ATP8A2: variants seen among roughly 807,000 people sequenced by gnomAD.
ATP8A2 encodes the protein phospholipid-transporting ATPase IB.
In ATP8A2, 100 loss-of-function variants were observed where a neutral mutation model predicts 165.6. The observed-to-expected ratio is 0.60, with a 90% confidence interval of 0.51 to 0.71. The LOEUF (loss-of-function observed/expected upper bound fraction) is 0.71. ATP8A2 is among the 30% of genes least tolerant of loss of function. The pLI is 0.00. For synonymous variants in ATP8A2, 543 were observed against 548.8 expected (o/e 0.99, Z 0.15); for missense variants, 1,227 against 1,479.5 (o/e 0.83, Z 2.80).
At chr13:25,935,171 A>G (rs1258164148) in intron 33 of ATP8A2, among the ~76,000 whole-genome samples, 1 of 152,212 alleles carries the variant, frequency 6.6e-6, no homozygotes, top group South Asian at 2.1e-4. Context: ...AACTCACCCT[A>G]TTAAATTATG....
intron 25 of ATP8A2, among the ~76,000 whole-genome samples, chr13:25,706,223 C>A (rs971349308): frequency 5.9e-5 from 9 of 152,126 alleles, no homozygotes; most frequent in African/African-American, 2.2e-4. Context: ...GAAAGGGGAG[C>A]AGTTTAGAGG....
chr13:25,689,342 T>C (rs1374117670), intron 24 of ATP8A2, among the ~76,000 whole-genome samples: 1 of 152,248 alleles, frequency 6.6e-6, no homozygotes, highest in Non-Finnish European at 1.5e-5. Flanking sequence ...AATAAAGATC[T>C]TAATGAGATT....
chr13:25,969,138 G>C lies in ATP8A2; in HGVS notation c.3377+459G>C, dbSNP rs908902046. Among the ~76,000 whole-genome samples the C allele has an allele frequency of 4.7e-4, 71 of 152,130 alleles. 1 individual carries two copies. Among genetic ancestry groups the C allele is most frequent in the African/African-American group, 1.6e-3 (68 of 41,428 alleles). ...CATTCCACTTCAGCATATCTAAATG[G>C]GGGAGTAGTTTTTAATGCTAACATT... On this transcript the variant is annotated intron_variant, in intron 35 of 36. Coordinates refer to ENST00000381655, the MANE Select transcript of ATP8A2 (RefSeq NM_016529.6).
intron 27 of ATP8A2, among the ~76,000 whole-genome samples, chr13:25,794,155 G>A (rs1278202433): frequency 6.6e-6 from 1 of 152,228 alleles, no homozygotes; most frequent in Non-Finnish European, 1.5e-5. Flanking sequence ...TGATGGCCAT[G>A]AGCAGCATGT....
chr13:25,538,275 T>TGTTG (rs1296856993), intron 7 of ATP8A2, among the ~76,000 whole-genome samples: 2 of 152,204 alleles, frequency 1.3e-5, no homozygotes, highest in Non-Finnish European at 2.9e-5. Flanking sequence ...CTTTTATGTG[T>TGTTG]GTTGACTCCA....
chr13:25,990,812 T>A lies in ATP8A2; in HGVS notation c.3378-21719T>A, dbSNP rs796435231. Among the ~76,000 whole-genome samples the A allele has an allele frequency of 3.3e-5, 5 of 152,238 alleles. No homozygotes were observed. In the South Asian group the frequency reaches 1.0e-3, roughly 31 times the overall value. On this transcript the variant is annotated intron_variant, in intron 35 of 36. Transcript: ENST00000381655. Reference sequence around the variant, plus strand: ...ATTTGTAAATGCACAGAGCCTAGACTATTCTTCACTTGCTTGGTGACACCC... The same window carrying A: ...ATTTGTAAATGCACAGAGCCTAGACAATTCTTCACTTGCTTGGTGACACCC...
At position 25,860,186 on chromosome 13, in the gene ATP8A2, G is replaced by C. The variant is rs553673092; in HGVS notation, c.2957-9G>C. 2 of 1,604,726 alleles carry C rather than the reference G, an allele frequency of 1.2e-6. No homozygotes were observed. Among genetic ancestry groups the C allele is most frequent in the African/African-American group, 2.7e-5 (2 of 74,788 alleles). On this transcript the variant is annotated splice_polypyrimidine_tract_variant and intron_variant, in intron 30 of 36. Transcript: ENST00000381655. The stretch of plus-strand genomic sequence containing the variant: ...CTTGGATGTTAATAGTAACTTCTTT[G>C]TTTTTCAGATACTGTGTTGACAAGT...
In ATP8A2 at chr13:25,694,480, C is replaced by T. The variant is rs1302687022; in HGVS notation, c.2212-4693C>T. Reference sequence around the variant, plus strand: ...TCATACACTGACCCCCGGCAGGCACCCCTCTAGAATTTCCCAGACTTACCT... The same window carrying T: ...TCATACACTGACCCCCGGCAGGCACTCCTCTAGAATTTCCCAGACTTACCT... On this transcript the variant is annotated intron_variant, in intron 24 of 36. Coordinates refer to ENST00000381655, the MANE Select transcript of ATP8A2 (RefSeq NM_016529.6). Among the ~76,000 whole-genome samples, 10 of 152,210 alleles carry T rather than the reference C, an allele frequency of 6.6e-5. No individual in the cohort carries two copies. In the East Asian group the frequency reaches 1.9e-3, roughly 29 times the overall value.
At chr13:25,774,223 G>A (rs941805416) in intron 26 of ATP8A2, among the ~76,000 whole-genome samples, 1 of 152,208 alleles carries the variant, frequency 6.6e-6, no homozygotes, top group African/African-American at 2.4e-5. Context: ...GGAATACTAT[G>A]CAGCCATAAA....
rs571888624 is a variant in ATP8A2, at chr13:25,873,624, T to C, written c.3183+11216T>C. On this transcript the variant is annotated intron_variant, in intron 33 of 36. Coordinates refer to ENST00000381655, the MANE Select transcript of ATP8A2 (RefSeq NM_016529.6). ...TGATGAATCCAGGCTCTGTTATTTT[T>C]ACCCCCTAAGTATCTCTTTTTTTTT... Among the ~76,000 whole-genome samples, 5 of 151,878 alleles carry C rather than the reference T, an allele frequency of 3.3e-5. No homozygotes were observed. The South Asian group carries it at 1.0e-3, about 32-fold the overall frequency.
chr13:25,772,155 C>T (rs2044634708), intron 26 of ATP8A2, among the ~76,000 whole-genome samples: 1 of 152,160 alleles, frequency 6.6e-6, no homozygotes, highest in South Asian at 2.1e-4. Flanking sequence ...AACCTTGCTG[C>T]CGTCGCTGAG....
chr13:25,982,566 A>G (rs577734639), intron 35 of ATP8A2, among the ~76,000 whole-genome samples: 2 of 152,332 alleles, frequency 1.3e-5, no homozygotes, highest in African/African-American at 4.8e-5. Context: ...GATAACCCAG[A>G]GAAATGCAGT....
intron 4 of ATP8A2, among the ~76,000 whole-genome samples, chr13:25,531,269 ATGATATATATG>A (rs1566229256): frequency 1.9e-5 from 2 of 104,754 alleles, no homozygotes; most frequent in African/African-American, 3.9e-5. Context: ...TATGATATAT[ATGATATATATG>A]TTATATATGA....
At chr13:25,760,497 C>T (rs1205096692) in intron 25 of ATP8A2, among the ~76,000 whole-genome samples, 1 of 152,126 alleles carries the variant, frequency 6.6e-6, no homozygotes, top group Admixed American at 6.5e-5. Context: ...GAGGACTTAA[C>T]ATCCAACGTA....
chr13:25,736,234 C>A (rs146196117), intron 25 of ATP8A2, among the ~76,000 whole-genome samples: 24 of 152,084 alleles, frequency 1.6e-4, no homozygotes, highest in African/African-American at 5.6e-4. Flanking sequence ...TTATGTGATG[C>A]GTGACTACAT....
chr13:25,685,201 C>T (rs548884742), intron 24 of ATP8A2, among the ~76,000 whole-genome samples: 1 of 152,288 alleles, frequency 6.6e-6, no homozygotes, highest in South Asian at 2.1e-4. Context: ...AGTTACTGAG[C>T]CCAGTCCCCT....
At chr13:25,732,495 A>C (rs1389190675) in intron 25 of ATP8A2, among the ~76,000 whole-genome samples, 1 of 152,238 alleles carries the variant, frequency 6.6e-6, no homozygotes, top group Admixed American at 6.5e-5. Flanking sequence ...TAAATAAATG[A>C]AACATCTCCT....
intron 24 of ATP8A2, among the ~76,000 whole-genome samples, chr13:25,638,935 G>T (rs953287767): frequency 6.6e-6 from 1 of 152,182 alleles, no homozygotes. Context: ...AGCCAGAAGA[G>T]AGTGGGGGCC....
chr13:25,659,479 A>T (rs535202432), intron 24 of ATP8A2, among the ~76,000 whole-genome samples: 164 of 152,328 alleles, frequency 1.1e-3, no homozygotes, highest in African/African-American at 3.5e-3. Flanking sequence ...TATTAACCTT[A>T]GACCAAATCC....
Sources: allele counts gnomAD v4.1 joint callset (sites outside exome capture counted in the v4.1 genomes callset), GRCh38; gene constraint gnomAD v4.1.1; transcripts MANE v1.5; gene names NCBI Gene and HGNC (gene_info 2026-07-23, HGNC 2026-07-21).